C4orf51: variants seen among roughly 807,000 people sequenced by gnomAD.
C4orf51 encodes uncharacterized protein C4orf51.
Under a neutral mutation model 25.2 loss-of-function variants are expected in C4orf51, and 25 were observed. The observed-to-expected ratio is 0.99, with a 90% CI of 0.72 to 1.39. The LOEUF (loss-of-function observed/expected upper bound fraction) is 1.39, where lower values mean the gene tolerates loss of function less well. C4orf51 is among the 40% of genes most tolerant of loss of function. The pLI, the probability that C4orf51 is intolerant of heterozygous loss-of-function variation, is 0.00. For synonymous variants in C4orf51, 100 were observed against 84.5 expected (o/e 1.18, Z -1.01); for missense variants, 252 against 239.6 (o/e 1.05, Z -0.34).
chr4:145,768,858 C>CAAA (rs1174930111), intron 1 of C4orf51, among the ~76,000 whole-genome samples: 263 of 4,540 alleles, frequency 0.058, 116 homozygotes, highest in Non-Finnish European at 0.085. Flanking sequence ...GACTCCGTCT[C>CAAA]AAAAAAAAAA....
In C4orf51 at chr4:145,729,159, CT is replaced by C; in HGVS notation, c.367-5del. 1.3e-6 allele frequency: 2 copies of C among 1,579,960 alleles called. No individual in the cohort carries two copies. The highest frequency in any genetic ancestry group is 1.7e-6 in the Non-Finnish European group (2 of 1,151,644). On this transcript the variant is annotated splice_polypyrimidine_tract_variant and intron_variant, in intron 3 of 5. Transcript: ENST00000438731. ...TGGTTGGTATTTATTTCTATCTCTCCTTTTTATAGGCACATCAAATTTGGGA... is the reference window on the plus strand; with the variant it reads ...TGGTTGGTATTTATTTCTATCTCTCCTTTTATAGGCACATCAAATTTGGGA...
downstream of C4orf51, among the ~76,000 whole-genome samples, chr4:145,755,681 C>A (rs779121556): frequency 6.6e-6 from 1 of 152,202 alleles, no homozygotes; most frequent in Non-Finnish European, 1.5e-5. Flanking sequence ...TTCTGGGAGT[C>A]ACCCCACTTC....
intron 5 of C4orf51, among the ~76,000 whole-genome samples, chr4:145,731,199 T>A (rs1159775889): frequency 6.6e-6 from 1 of 152,164 alleles, no homozygotes; most frequent in African/African-American, 2.4e-5. Flanking sequence ...CATTAACTAT[T>A]GTTAAATAAA....
At chr4:145,776,466 A>C in the C4orf51 span, among the ~76,000 whole-genome samples, 1 of 138,234 alleles carries the variant, frequency 7.2e-6, no homozygotes, top group Admixed American at 7.3e-5. Flanking sequence ...GTTTCAAAAA[A>C]AAGAAAAAAA....
chr4:145,775,804 T>A, downstream of C4orf51: 1 of 1,614,180 alleles, frequency 6.2e-7, no homozygotes, highest in Non-Finnish European at 8.5e-7. Context: ...ATAATAAGGA[T>A]GTTTCTTCCC....
chr4:145,711,864 A>G (rs1054450427), intron 2 of C4orf51, among the ~76,000 whole-genome samples: 4 of 152,132 alleles, frequency 2.6e-5, no homozygotes, highest in African/African-American at 9.7e-5. Flanking sequence ...ACAAATTGAA[A>G]GTGTGTGGCA....
intron 1 of C4orf51, among the ~76,000 whole-genome samples, chr4:145,748,645 A>G (rs1560866801): frequency 6.6e-6 from 1 of 152,174 alleles, no homozygotes; most frequent in Non-Finnish European, 1.5e-5. Flanking sequence ...CGCACCGACC[A>G]TTCAGAAACA....
At chr4:145,711,438 C>T (rs947016658) in intron 2 of C4orf51, among the ~76,000 whole-genome samples, 3 of 152,092 alleles carry the variant, frequency 2.0e-5, no homozygotes, top group Non-Finnish European at 4.4e-5. Flanking sequence ...CCTGGCTGTC[C>T]GTATCTCTCT....
At chr4:145,723,735 G>T (rs1426344318) in intron 2 of C4orf51, among the ~76,000 whole-genome samples, 26 of 152,330 alleles carry the variant, frequency 1.7e-4, no homozygotes, top group Non-Finnish European at 7.3e-5. Context: ...TCTAAGACTG[G>T]GTAGTGGGAG....
At chr4:145,721,606 C>T (rs1372470218) in intron 2 of C4orf51, among the ~76,000 whole-genome samples, 1 of 152,092 alleles carries the variant, frequency 6.6e-6, no homozygotes, top group East Asian at 1.9e-4. Flanking sequence ...ATGTGTTTGC[C>T]GGAAGATATT....
At chr4:145,736,147 G>A (rs1422516254), downstream of C4orf51, among the ~76,000 whole-genome samples, 1 of 151,998 alleles carries the variant, frequency 6.6e-6, no homozygotes, top group Non-Finnish European at 1.5e-5. Flanking sequence ...TTGAACACGT[G>A]CTGTAGAAGG....
rs560720302 is a variant in C4orf51 at position 145,701,410 on chromosome 4, T to C, written c.307+4778T>C. ...TCTGACCACCAGGCCAAGGAATGCC[T>C]GCAGCCCAGGATTCCTCCTAAGCCG... is the stretch of plus-strand genomic sequence containing the variant. On this transcript the variant is annotated intron_variant, in intron 2 of 5. Coordinates refer to ENST00000438731, the MANE Select transcript of C4orf51 (RefSeq NM_001080531.3). Among the ~76,000 whole-genome samples the C allele has an allele frequency of 8.5e-5, 13 of 152,114 alleles. No individual in the cohort carries two copies. The South Asian group carries it at 1.5e-3, about 17-fold the overall frequency.
chr4:145,787,287 A>AC, the C4orf51 span, among the ~76,000 whole-genome samples: 1 of 152,024 alleles, frequency 6.6e-6, no homozygotes, highest in Non-Finnish European at 1.5e-5. Flanking sequence ...ACATAGTGAC[A>AC]CCCCGTCTCT....
chr4:145,760,662 C>T (rs561880466), intron 1 of C4orf51: 61 of 641,988 alleles, frequency 9.5e-5, no homozygotes, highest in East Asian at 5.6e-4. Context: ...CCAGACCCAT[C>T]GGGGTCTGTA....
chr4:145,765,139 C>G lies in C4orf51; in HGVS notation n.167-5849C>G. The G allele has an allele frequency of 6.2e-7, 1 of 1,611,820 alleles. No homozygotes were observed. Among genetic ancestry groups the G allele is most frequent in the Non-Finnish European group, 8.5e-7 (1 of 1,179,084 alleles). ...TCAAACATGTTCTTCGTCTTGCAGACAAAGTTGCAAAAAACACATTCGAAC... is the reference window on the plus strand; with the variant it reads ...TCAAACATGTTCTTCGTCTTGCAGAGAAAGTTGCAAAAAACACATTCGAAC... On this transcript the variant is annotated intron_variant and non_coding_transcript_variant, in intron 1 of 1. Transcript: ENST00000510096. This position sits in a 1 kb window ranked among gnomAD's most constrained non-coding sequence, Gnocchi z 4.7.
chr4:145,722,363 A>G (rs1328538893), intron 2 of C4orf51, among the ~76,000 whole-genome samples: 1 of 152,238 alleles, frequency 6.6e-6, no homozygotes, highest in Non-Finnish European at 1.5e-5. Flanking sequence ...ATACTTCTGC[A>G]TGAGTCTCCT....
At chr4:145,730,292 AAG>A (rs767727013) in intron 5 of C4orf51, among the ~76,000 whole-genome samples, 6 of 152,134 alleles carry the variant, frequency 3.9e-5, no homozygotes, top group Non-Finnish European at 8.8e-5. Flanking sequence ...TGTTGTGAAA[AAG>A]AGAGTTCTCA....
chr4:145,750,412 G>GTTTTTTTTTTTTTTTTTTTTTTT (rs55700691), intron 1 of C4orf51, among the ~76,000 whole-genome samples: 1 of 108,138 alleles, frequency 9.2e-6, no homozygotes, highest in Non-Finnish European at 1.9e-5. Context: ...TAGGGTAAAA[G>GTTTTTTTTTTTTTTTTTTTTTTT]TTTTTTTTTT....
At chr4:145,687,693 A>G (rs1342724439) in intron 1 of C4orf51, among the ~76,000 whole-genome samples, 1 of 152,212 alleles carries the variant, frequency 6.6e-6, no homozygotes, top group African/African-American at 2.4e-5. Flanking sequence ...GCAGTTACAG[A>G]AACAAACTCT....
Sources: allele counts gnomAD v4.1 joint callset (sites outside exome capture counted in the v4.1 genomes callset), GRCh38; gene constraint gnomAD v4.1.1; non-coding constraint Gnocchi (gnomAD v3.1); transcripts MANE v1.5; gene names NCBI Gene and HGNC (gene_info 2026-07-23, HGNC 2026-07-21).